SCFD2: variants seen among roughly 807,000 people sequenced by gnomAD.
SCFD2 encodes sec1 family domain containing 2, also known as sec1 family domain-containing protein 2.
A neutral mutation model predicts 58.9 loss-of-function variants in SCFD2; 54 were observed. The observed-to-expected ratio is 0.92, with a 90% confidence interval of 0.74 to 1.15. The LOEUF (loss-of-function observed/expected upper bound fraction) is 1.15. Ranked by LOEUF, SCFD2 falls within the 50% of genes most tolerant of loss-of-function variation. The pLI is 0.00. For synonymous variants in SCFD2, 321 were observed against 335.9 expected, an observed-to-expected ratio of 0.96 and a Z score of 0.49; for missense variants, 805 against 836.6, an observed-to-expected ratio of 0.96 and a Z score of 0.47.
rs115618050 is a variant in SCFD2, at chr4:53,281,960, C to T, written c.1136-7959G>A. ...TTTATTCCATAACCATAGTAAATTACGGTATTACTAAACTATTATGTGCTT... is the reference window on the plus strand; with the variant it reads ...TTTATTCCATAACCATAGTAAATTATGGTATTACTAAACTATTATGTGCTT... On this transcript the variant is annotated intron_variant, in intron 3 of 8. Coordinates refer to ENST00000401642, the MANE Select transcript of SCFD2 (RefSeq NM_152540.4). Among the ~76,000 whole-genome samples, 414 of 152,228 alleles carry T rather than the reference C, an allele frequency of 2.7e-3. 1 individual carries two copies. Among genetic ancestry groups the T allele is most frequent in the African/African-American group, 9.5e-3 (395 of 41,530 alleles).
intron 5 of SCFD2, among the ~76,000 whole-genome samples, chr4:53,004,482 C>T (rs572614730): frequency 6.6e-6 from 1 of 152,336 alleles, no homozygotes; most frequent in African/African-American, 2.4e-5. Flanking sequence ...CCGGCATTTA[C>T]TACATTTAAT....
chr4:53,155,307 T>TCTA (rs1300387681), intron 4 of SCFD2, among the ~76,000 whole-genome samples: 2 of 152,162 alleles, frequency 1.3e-5, no homozygotes, highest in Non-Finnish European at 2.9e-5. Flanking sequence ...CCATAAGGGA[T>TCTA]CTACCCTCAT....
At chr4:53,351,496 CAA>C (rs775105340) in intron 2 of SCFD2, among the ~76,000 whole-genome samples, 2 of 152,118 alleles carry the variant, frequency 1.3e-5, no homozygotes, top group Non-Finnish European at 2.9e-5. Flanking sequence ...GACTCCCCAA[CAA>C]AAAGAGTGTT....
At chr4:53,005,321 A>T (rs1027155944) in intron 5 of SCFD2, among the ~76,000 whole-genome samples, 29 of 152,234 alleles carry the variant, frequency 1.9e-4, no homozygotes, top group Non-Finnish European at 8.8e-5. Context: ...GAGAGTAAAC[A>T]GCAGTAACCC....
At chr4:53,213,495 T>A (rs941007112) in intron 4 of SCFD2, among the ~76,000 whole-genome samples, 4 of 152,062 alleles carry the variant, frequency 2.6e-5, no homozygotes, top group Admixed American at 2.0e-4. Context: ...TCATGCTCTG[T>A]AAAAAGCCTC....
At chr4:53,294,046 A>T (rs1265693487) in intron 3 of SCFD2, among the ~76,000 whole-genome samples, 1 of 152,040 alleles carries the variant, frequency 6.6e-6, no homozygotes, top group African/African-American at 2.4e-5. Flanking sequence ...TGTATAATTG[A>T]TGGGCATTTG....
At chr4:52,920,897 G>A (rs1469987269) in intron 5 of SCFD2, 27 bp from the exon 6 acceptor site, 2 of 1,545,760 alleles carry the variant, frequency 1.3e-6, no homozygotes, top group Non-Finnish European at 1.8e-6. Flanking sequence ...ATATTTTCTT[G>A]AGTGAGTAAA....
At chr4:53,249,505 C>G (rs1047380779) in intron 4 of SCFD2, among the ~76,000 whole-genome samples, 15 of 152,094 alleles carry the variant, frequency 9.9e-5, no homozygotes, top group African/African-American at 3.4e-4. Context: ...ACATAATTGT[C>G]AGATTCACAA....
At chr4:53,035,276 A>G (rs1258713032) in intron 5 of SCFD2, among the ~76,000 whole-genome samples, 1 of 152,232 alleles carries the variant, frequency 6.6e-6, no homozygotes, top group Non-Finnish European at 1.5e-5. Flanking sequence ...AGCCATATGC[A>G]GAAAACTAAA....
chr4:53,016,703 T>G (rs1455998069), intron 5 of SCFD2, among the ~76,000 whole-genome samples: 6 of 152,216 alleles, frequency 3.9e-5, no homozygotes, highest in African/African-American at 1.4e-4. Flanking sequence ...TCTCACTGTT[T>G]AGAACATTTA....
At chr4:52,960,596 C>T (rs1050350331) in intron 5 of SCFD2, among the ~76,000 whole-genome samples, 2 of 151,896 alleles carry the variant, frequency 1.3e-5, no homozygotes, top group African/African-American at 4.8e-5. Context: ...CTCAAACTCC[C>T]GACCTCAGGT....
intron 4 of SCFD2, among the ~76,000 whole-genome samples, chr4:53,268,328 G>A (rs1417407149): frequency 6.6e-6 from 1 of 152,110 alleles, no homozygotes; most frequent in African/African-American, 2.4e-5. Flanking sequence ...AGATAAGGAT[G>A]GTGTCCATAC....
intron 2 of SCFD2, among the ~76,000 whole-genome samples, chr4:53,346,073 C>T (rs1279551346): frequency 1.3e-5 from 2 of 151,862 alleles, no homozygotes; most frequent in African/African-American, 2.4e-5. Context: ...ACGTTGTGCA[C>T]GTGTACCCTA....
At chr4:52,890,163 T>A (rs1219738518) in intron 7 of SCFD2, among the ~76,000 whole-genome samples, 1 of 152,158 alleles carries the variant, frequency 6.6e-6, no homozygotes, top group Non-Finnish European at 1.5e-5. Flanking sequence ...GGGACAGAAA[T>A]AAATTGGCTC....
chr4:53,250,209 G>A lies in SCFD2; in HGVS notation c.1311+23617C>T, dbSNP rs560259334. ...AAGATCAAAAGAGACAAAGAAGGCC[G>A]TTACATAATGCTAAAGGGATCAATG... On this transcript the variant is annotated intron_variant, in intron 4 of 8. Transcript: ENST00000401642. Among the ~76,000 whole-genome samples, 346 of 152,112 alleles carry A rather than the reference G, an allele frequency of 2.3e-3. 1 individual carries two copies. Among genetic ancestry groups the A allele is most frequent in the African/African-American group, 8.0e-3 (331 of 41,520 alleles).
intron 5 of SCFD2, among the ~76,000 whole-genome samples, chr4:53,026,759 A>T (rs1375579170): frequency 6.6e-6 from 1 of 152,184 alleles, no homozygotes; most frequent in African/African-American, 2.4e-5. Flanking sequence ...CTTGAAGGTC[A>T]CTCTAATAGG....
Position 53,251,667 on chromosome 4 carries a change from T to C in SCFD2, c.1311+22159A>G, listed in dbSNP as rs1328156353. Among the ~76,000 whole-genome samples the C allele has an allele frequency of 5.3e-5, 8 of 152,118 alleles. No individual in the cohort carries two copies. In the East Asian group the frequency reaches 1.4e-3, roughly 26 times the overall value. On this transcript the variant is annotated intron_variant, in intron 4 of 8. Coordinates refer to ENST00000401642, the MANE Select transcript of SCFD2 (RefSeq NM_152540.4). The stretch of plus-strand genomic sequence containing the variant: ...ATCTCAATAGATGCAGAAAAGGCCT[T>C]TGACAAAATTCAACAACCCTTCATG...
chr4:52,944,978 G>A (rs1720387167), intron 5 of SCFD2, among the ~76,000 whole-genome samples: 1 of 152,142 alleles, frequency 6.6e-6, no homozygotes, highest in Non-Finnish European at 1.5e-5. Flanking sequence ...GGAGTAATAT[G>A]CAGTCACTAA....
In SCFD2 at chr4:53,336,744, G is replaced by T. The variant is rs547834467; in HGVS notation, c.1007+15854C>A. 3.3e-5 allele frequency among the ~76,000 whole-genome samples: 5 copies of T among 152,122 alleles called. No homozygotes were observed. The South Asian group carries it at 1.0e-3, about 32-fold the overall frequency. ...TGCCCAGGCTGGTCTCGAACTCCTGGCCTCAACTGATCCTCCTGTCTTGGC... is the reference window on the plus strand; with the variant it reads ...TGCCCAGGCTGGTCTCGAACTCCTGTCCTCAACTGATCCTCCTGTCTTGGC... On this transcript the variant is annotated intron_variant, in intron 2 of 8. Coordinates refer to ENST00000401642, the MANE Select transcript of SCFD2 (RefSeq NM_152540.4).
Sources: allele counts gnomAD v4.1 joint callset (sites outside exome capture counted in the v4.1 genomes callset), GRCh38; gene constraint gnomAD v4.1.1; transcripts MANE v1.5; gene names NCBI Gene and HGNC (gene_info 2026-07-23, HGNC 2026-07-21).